Variants in RIT2 observed in about 807,000 individuals in gnomAD.
The protein encoded by RIT2 is Ras like without CAAX 2.
Under a neutral mutation model 23.7 loss-of-function variants are expected in RIT2, and 24 were observed. The observed-to-expected ratio is 1.01, with a 90% CI of 0.73 to 1.43. The LOEUF (loss-of-function observed/expected upper bound fraction) is 1.43, where lower values mean the gene tolerates loss of function less well. Among genes scored for constraint, RIT2 ranks in the 40% most tolerant of loss-of-function variants. The pLI is 0.00. For synonymous variants in RIT2, 107 were observed against 91.1 expected, an observed-to-expected ratio of 1.17 and a Z score of -0.99; for missense variants, 236 against 266.9, an observed-to-expected ratio of 0.88 and a Z score of 0.81.
chr18:42,835,292 C>A (rs1238672630), intron 4 of RIT2, among the ~76,000 whole-genome samples: 1 of 151,772 alleles, frequency 6.6e-6, no homozygotes, highest in African/African-American at 2.4e-5. Context: ...TTAATTTGTT[C>A]TACTACAGTA....
chr18:42,784,758 T>C (rs1433455928), intron 4 of RIT2, among the ~76,000 whole-genome samples: 1 of 152,112 alleles, frequency 6.6e-6, no homozygotes, highest in Non-Finnish European at 1.5e-5. Flanking sequence ...ATCATTAATC[T>C]CCTTTGAATT....
At chr18:42,851,490 G>GTC (rs1244815214) in intron 4 of RIT2, among the ~76,000 whole-genome samples, 3 of 152,178 alleles carry the variant, frequency 2.0e-5, no homozygotes, top group South Asian at 2.1e-4. Flanking sequence ...TCTAGAAGCA[G>GTC]TCATAGGCAT....
intron 4 of RIT2, among the ~76,000 whole-genome samples, chr18:42,751,005 G>T (rs1005117347): frequency 2.6e-5 from 4 of 151,820 alleles, no homozygotes; most frequent in African/African-American, 9.7e-5. Flanking sequence ...ACCTATAATT[G>T]TTCAGGCAGT....
At chr18:43,044,047 A>G (rs751529043) in intron 1 of RIT2, among the ~76,000 whole-genome samples, 1 of 152,178 alleles carries the variant, frequency 6.6e-6, no homozygotes, top group Non-Finnish European at 1.5e-5. Flanking sequence ...AGCACGGAGA[A>G]TAAGACTGAG....
intron 1 of RIT2, among the ~76,000 whole-genome samples, chr18:43,074,460 C>T (rs568440673): frequency 6.6e-5 from 10 of 152,164 alleles, no homozygotes; most frequent in African/African-American, 2.4e-4. Context: ...TATAAAATTC[C>T]GACTATGTTC....
chr18:43,094,113 G>T (rs1436954026), intron 1 of RIT2, among the ~76,000 whole-genome samples: 1 of 107,104 alleles, frequency 9.3e-6, no homozygotes, highest in East Asian at 2.9e-4. Context: ...GGTATTAGTG[G>T]GTTTTTTTTG....
At chr18:42,878,069 A>C (rs73471657) in intron 4 of RIT2, among the ~76,000 whole-genome samples, 19,592 of 151,044 alleles carry the variant, frequency 0.13, 1,317 homozygotes, top group Middle Eastern at 0.26. Flanking sequence ...AGATACTCAA[A>C]CTGTATAAGC....
intron 3 of RIT2, among the ~76,000 whole-genome samples, chr18:42,966,482 CA>C (rs1910227082): frequency 6.6e-6 from 1 of 151,944 alleles, no homozygotes; most frequent in Admixed American, 6.6e-5. Flanking sequence ...TGTGAAGTTT[CA>C]GCTAAAAATA....
At chr18:43,076,422 C>T (rs965302415) in intron 1 of RIT2, among the ~76,000 whole-genome samples, 1 of 150,584 alleles carries the variant, frequency 6.6e-6, no homozygotes, top group Admixed American at 6.6e-5. Context: ...CTGCAGTGAA[C>T]AGGAAAAAAA....
At chr18:42,882,084 C>T (rs1415493463) in intron 4 of RIT2, among the ~76,000 whole-genome samples, 3 of 152,170 alleles carry the variant, frequency 2.0e-5, no homozygotes, top group Non-Finnish European at 4.4e-5. Flanking sequence ...TCACATTGGG[C>T]TCTTGCTTTC....
intron 4 of RIT2, among the ~76,000 whole-genome samples, chr18:42,894,805 C>T (rs1433927548): frequency 1.3e-5 from 2 of 152,174 alleles, no homozygotes; most frequent in Non-Finnish European, 2.9e-5. Context: ...TATAGATATA[C>T]TTTTGAATAA....
At chr18:42,821,534 G>A (rs1351581114) in intron 4 of RIT2, among the ~76,000 whole-genome samples, 1 of 152,094 alleles carries the variant, frequency 6.6e-6, no homozygotes, top group Non-Finnish European at 1.5e-5. Context: ...TGGTTGTCAA[G>A]ACTGGAAGAG....
intron 3 of RIT2, among the ~76,000 whole-genome samples, chr18:42,937,140 C>T (rs1186957212): frequency 1.3e-5 from 2 of 152,118 alleles, no homozygotes; most frequent in Non-Finnish European, 2.9e-5. Context: ...AAAATCAATG[C>T]CTTTCCAGTA....
chr18:42,891,739 G>A (rs1167826016), intron 4 of RIT2, among the ~76,000 whole-genome samples: 3 of 152,068 alleles, frequency 2.0e-5, no homozygotes, highest in South Asian at 2.1e-4. Context: ...AGGGGTAAAG[G>A]GGGAGGGAGA....
At chr18:42,784,850 C>G (rs762226262) in intron 4 of RIT2, among the ~76,000 whole-genome samples, 1 of 152,012 alleles carries the variant, frequency 6.6e-6, no homozygotes, top group African/African-American at 2.4e-5. Context: ...TTCAAACAGA[C>G]CGAAACTTGA....
At chr18:42,883,937 A>G (rs769788003) in intron 4 of RIT2, among the ~76,000 whole-genome samples, 45 of 152,236 alleles carry the variant, frequency 3.0e-4, no homozygotes, top group Non-Finnish European at 4.6e-4. Context: ...GTAATGCTAT[A>G]CATTATAAAA....
At chr18:42,918,405 T>C (rs9949124) in intron 4 of RIT2, among the ~76,000 whole-genome samples, 2,626 of 152,232 alleles carry the variant, frequency 0.017, 100 homozygotes, top group African/African-American at 0.06. Context: ...TACAAAATGC[T>C]ATGGAAAAGA....
chr18:42,837,503 T>C (rs997345003), intron 4 of RIT2, among the ~76,000 whole-genome samples: 1 of 152,080 alleles, frequency 6.6e-6, no homozygotes, highest in Non-Finnish European at 1.5e-5. Context: ...TCACATTCTA[T>C]ACTTTTTTCA....
At chr18:43,037,654 A>T (rs1912011512) in intron 1 of RIT2, among the ~76,000 whole-genome samples, 1 of 152,084 alleles carries the variant, frequency 6.6e-6, no homozygotes, top group South Asian at 2.1e-4. Context: ...AAGCTTTACC[A>T]ATCTTCTCTT....
Sources: allele counts gnomAD v4.1 joint callset (sites outside exome capture counted in the v4.1 genomes callset), GRCh38; gene constraint gnomAD v4.1.1; transcripts MANE v1.5; gene names NCBI Gene and HGNC (gene_info 2026-07-23, HGNC 2026-07-21).